CLCN5: variants seen among roughly 807,000 people sequenced by gnomAD.
CLCN5 encodes Cl-/H+ antiporter 5, also known as H(+)/Cl(-) exchange transporter 5.
CLCN5 carries 17 observed loss-of-function variants against 54.0 expected under a neutral mutation model. The ratio of observed to expected loss-of-function variants is 0.31; its 90% CI spans 0.22 to 0.47. The LOEUF (loss-of-function observed/expected upper bound fraction) is 0.47. CLCN5 is among the 20% of genes least tolerant of loss of function. CLCN5 has a pLI of 1.00. For missense variants in CLCN5, 448 were observed against 646.7 expected (o/e 0.69, Z 3.33); for synonymous variants, 222 against 233.0 (o/e 0.95, Z 0.43).
At chrX:50,065,715 A>T (rs1188688153) in intron 4 of CLCN5, among the ~76,000 whole-genome samples, 1 of 106,355 alleles carries the variant, frequency 9.4e-6, no homozygotes, top group Admixed American at 1.0e-4. Context: ...ATGCACACGT[A>T]TGTTCATTGC....
At position 50,063,603 on chromosome X, in the gene CLCN5, C is replaced by T. The variant is rs1214458470; in HGVS notation, c.164-6276C>T. ...GTACAAGGAGGAACTGGTACCATTCCTTCTGAAACTATTCCAATCAATAGA... is the reference window on the plus strand; with the variant it reads ...GTACAAGGAGGAACTGGTACCATTCTTTCTGAAACTATTCCAATCAATAGA... On this transcript the variant is annotated intron_variant, in intron 4 of 14. Transcript: ENST00000376091. Among the ~76,000 whole-genome samples, 5 of 107,628 alleles carry T rather than the reference C, an allele frequency of 4.6e-5. No individual in the cohort carries two copies. In the East Asian group the frequency reaches 8.8e-4, roughly 19 times the overall value. The allele number at this position is 107,628 out of a possible 115,157, so 93.5% of individuals were successfully genotyped here. A position where few individuals can be genotyped will look rare whatever the true frequency, so the allele number is the denominator to read the frequency against.
intron 3 of CLCN5, among the ~76,000 whole-genome samples, chrX:49,945,604 GTTT>G (rs1162822439): frequency 0.012 from 830 of 71,066 alleles, 6 homozygotes; most frequent in African/African-American, 0.043. Context: ...CGCCCAGCTA[GTTT>G]TTTTTTTTTT....
chrX:50,048,163 C>T (rs958430359), intron 4 of CLCN5, among the ~76,000 whole-genome samples: 2 of 112,067 alleles, frequency 1.8e-5, no homozygotes, highest in East Asian at 5.6e-4. Flanking sequence ...TAGTTAGATT[C>T]TCATAAGGAG....
At chrX:50,033,030 T>G (rs1931796174) in intron 3 of CLCN5, among the ~76,000 whole-genome samples, 1 of 111,129 alleles carries the variant, frequency 9.0e-6, no homozygotes, top group Non-Finnish European at 1.9e-5. Flanking sequence ...CAGATAGTTG[T>G]AGATATGCGG....
rs1557194588 is a variant in CLCN5 at position 50,090,370 on chromosome X, G to C, written c.1999G>C (p.Val667Leu). ...CCGGAGAAATGATCCTTTGTTGACT[G>C]TCCTTACTCAGGACAGTATGACTGT... is the stretch of plus-strand genomic sequence containing the variant. Reference protein sequence around the residue: ...KPRRNDPLLTVLTQDSMTVED... With the variant: ...KPRRNDPLLTLLTQDSMTVED... The change falls in exon 13 of 15, where the codon GTC becomes CTC. Residue 667 changes from valine to leucine, a missense_variant. Around this residue, in one of 5 missense-constraint regions of CLCN5, gnomAD observed 297 missense variants for 470.4 expected, o/e 0.63. Coordinates refer to ENST00000376091, the MANE Select transcript of CLCN5 (RefSeq NM_001127898.4). The C allele has an allele frequency of 8.3e-7, 1 of 1,209,874 alleles. No individual in the cohort carries two copies. Among genetic ancestry groups the C allele is most frequent in the Non-Finnish European group, 1.1e-6 (1 of 895,118 alleles).
At chrX:49,969,918 T>G (rs1474406088) in intron 3 of CLCN5, among the ~76,000 whole-genome samples, 1 of 111,907 alleles carries the variant, frequency 8.9e-6, no homozygotes, top group Non-Finnish European at 1.9e-5. Flanking sequence ...CTTCACATAT[T>G]TGAAGCTTGG....
intron 3 of CLCN5, 68 bp downstream of exon 3, chrX:49,925,382 C>G: frequency 1.9e-6 from 2 of 1,055,939 alleles, no homozygotes; most frequent in Non-Finnish European, 2.6e-6. Context: ...CTCACCCAAC[C>G]GTTCCCCACC....
At chrX:49,976,591 C>CA in intron 3 of CLCN5, among the ~76,000 whole-genome samples, 1 of 112,152 alleles carries the variant, frequency 8.9e-6, no homozygotes, top group Non-Finnish European at 1.9e-5. Context: ...CTCATCTATG[C>CA]AAAAGAACTG....
At chrX:50,080,478 T>C in intron 7 of CLCN5, 116 bp from the exon 8 acceptor site, 2 of 657,302 alleles carry the variant, frequency 3.0e-6, no homozygotes, top group Non-Finnish European at 2.3e-6. Flanking sequence ...CAATTTAATC[T>C]CGGTGGTTTT....
chrX:50,011,969 C>T (rs1391136686), intron 3 of CLCN5, among the ~76,000 whole-genome samples: 1 of 111,085 alleles, frequency 9.0e-6, no homozygotes, highest in Non-Finnish European at 1.9e-5. Flanking sequence ...CGAAGAACAC[C>T]TGTTTATAAT....
At chrX:50,011,956 G>A (rs1930527561) in intron 3 of CLCN5, among the ~76,000 whole-genome samples, 1 of 111,202 alleles carries the variant, frequency 9.0e-6, no homozygotes, top group African/African-American at 3.3e-5. Context: ...TTTCTGCATA[G>A]AGCGAAGAAC....
intron 3 of CLCN5, among the ~76,000 whole-genome samples, chrX:49,995,491 G>A (rs1006306686): frequency 9.0e-6 from 1 of 111,697 alleles, no homozygotes; most frequent in Non-Finnish European, 1.9e-5. Flanking sequence ...GCAAGTAACT[G>A]GAATGCAAGG....
At chrX:50,019,355 G>T (rs1164502532) in intron 3 of CLCN5, among the ~76,000 whole-genome samples, 2 of 108,494 alleles carry the variant, frequency 1.8e-5, no homozygotes, top group African/African-American at 3.4e-5. Flanking sequence ...GGGGTACACA[G>T]TGACATTTTA....
intron 4 of CLCN5, among the ~76,000 whole-genome samples, chrX:50,059,767 T>TAAA (rs1290384041): frequency 8.9e-5 from 9 of 101,249 alleles, no homozygotes; most frequent in African/African-American, 3.2e-4. Flanking sequence ...GTACATGGAA[T>TAAA]AAAAAAAAAA....
intron 13 of CLCN5, 63 bp downstream of exon 13, chrX:50,090,577 G>T: frequency 8.6e-7 from 1 of 1,164,039 alleles, no homozygotes. Flanking sequence ...TGCCTGAAAT[G>T]GGGGAAGACA....
At chrX:50,050,780 C>G (rs1932559112) in intron 4 of CLCN5, among the ~76,000 whole-genome samples, 1 of 106,895 alleles carries the variant, frequency 9.4e-6, no homozygotes, top group Non-Finnish European at 1.9e-5. Flanking sequence ...TCTCCTGCCT[C>G]AGCCTCCTGA....
At chrX:50,066,545 C>T (rs1457655757) in intron 4 of CLCN5, among the ~76,000 whole-genome samples, 1 of 112,095 alleles carries the variant, frequency 8.9e-6, no homozygotes, top group African/African-American at 3.2e-5. Context: ...CAGTGGCTGT[C>T]CTTTGGGTTC....
chrX:50,041,953 T>TA (rs1932231979), intron 3 of CLCN5, among the ~76,000 whole-genome samples: 2 of 112,396 alleles, frequency 1.8e-5, no homozygotes, highest in Admixed American at 1.9e-4. Context: ...GAAGTGCTGA[T>TA]ACATGCTGTA....
intron 3 of CLCN5, among the ~76,000 whole-genome samples, chrX:50,038,638 A>T (rs782248722): frequency 4.5e-5 from 5 of 112,062 alleles, no homozygotes; most frequent in Non-Finnish European, 7.5e-5. Flanking sequence ...CCAAGTAGCA[A>T]TTACATATGG....
Sources: gnomAD v4.1 joint callset for allele counts (sites outside exome capture counted in the v4.1 genomes callset) on GRCh38, gnomAD v4.1.1 for gene constraint, gnomAD v4.1.1 regional missense constraint, MANE v1.5 for transcripts, NCBI Gene and HGNC (gene_info 2026-07-23, HGNC 2026-07-21) for gene names.